FAM20C: variants seen among roughly 807,000 people sequenced by gnomAD.
The protein encoded by FAM20C is extracellular serine/threonine protein kinase FAM20C.
FAM20C carries 40 observed loss-of-function variants against 51.5 expected under a neutral mutation model. The observed-to-expected ratio is 0.78, with a 90% CI of 0.60 to 1.01. FAM20C has a LOEUF of 1.01. FAM20C is among the 50% of genes least tolerant of loss of function. The pLI, the probability that FAM20C is intolerant of heterozygous loss-of-function variation, is 0.00. For synonymous variants in FAM20C, 406 were observed against 380.6 expected (o/e 1.07, Z -0.78); for missense variants, 861 against 844.7 (o/e 1.02, Z -0.24).
At chr7:257,764 AGG>A (rs1788644933) in intron 8 of FAM20C, among the ~76,000 whole-genome samples, 1 of 53,882 alleles carries the variant, frequency 1.9e-5, no homozygotes, top group African/African-American at 7.6e-5. Context: ...GGAGATGGGC[AGG>A]GTGGACCCAC....
intron 3 of FAM20C, chr7:228,587 A>T (rs1787533482): frequency 2.2e-6 from 1 of 456,062 alleles, no homozygotes; most frequent in Non-Finnish European, 4.4e-6. Flanking sequence ...CTCTCCTCTG[A>T]GGGCAGCGTT....
chr7:214,851 G>A (rs1011563960), intron 3 of FAM20C, among the ~76,000 whole-genome samples: 4 of 152,172 alleles, frequency 2.6e-5, no homozygotes, highest in East Asian at 1.9e-4. Context: ...CCAGGCATGC[G>A]GCGGCTGCCC....
At chr7:254,763 C>T (rs1367029653) in intron 5 of FAM20C, among the ~76,000 whole-genome samples, 2 of 152,218 alleles carry the variant, frequency 1.3e-5, no homozygotes, top group East Asian at 1.9e-4. Context: ...CACCGTTCCT[C>T]ACCCCGCAGC....
At chr7:251,280 T>TGAGTGGCCGGGCACGGTGGCTCACG (rs1462439696) in intron 5 of FAM20C, among the ~76,000 whole-genome samples, 1 of 76,060 alleles carries the variant, frequency 1.3e-5, no homozygotes, top group African/African-American at 4.4e-5. Context: ...ACGCCTGCAA[T>TGAGTGGCCGGGCACGGTGGCTCACG]CCCAGTACTG....
At chr7:233,360 C>T (rs1787756615) in intron 3 of FAM20C, among the ~76,000 whole-genome samples, 1 of 152,214 alleles carries the variant, frequency 6.6e-6, no homozygotes, top group African/African-American at 2.4e-5. Flanking sequence ...ACAGCCTTTC[C>T]AGCTGGGACT....
At chr7:198,528 A>G (rs781577218) in intron 2 of FAM20C, among the ~76,000 whole-genome samples, 4 of 152,194 alleles carry the variant, frequency 2.6e-5, no homozygotes, top group Non-Finnish European at 4.4e-5. Flanking sequence ...GTTACATTGA[A>G]TAGTCACATG....
Position 233,784 on chromosome 7 carries a change from T to C in FAM20C, c.864-12631T>C, listed in dbSNP as rs891579505. Reference sequence around the variant, plus strand: ...TCCTGGGGTTCAGATGCGGACAACTTTGGGGGACCGTTATTCTGCCAGCCA... The same window carrying C: ...TCCTGGGGTTCAGATGCGGACAACTCTGGGGGACCGTTATTCTGCCAGCCA... On this transcript the variant is annotated intron_variant, in intron 3 of 9. Transcript: ENST00000313766. 8.8e-4 allele frequency among the ~76,000 whole-genome samples: 134 copies of C among 152,292 alleles called. 1 individual carries two copies. The highest frequency in any genetic ancestry group is 3.1e-3 in the African/African-American group (130 of 41,564).
chr7:220,589 C>T (rs1007939469), intron 3 of FAM20C, among the ~76,000 whole-genome samples: 1 of 152,198 alleles, frequency 6.6e-6, no homozygotes, highest in African/African-American at 2.4e-5. Context: ...GTAGGCACCG[C>T]CTGGGGAAGT....
At chr7:251,216 T>A (rs1788388615) in intron 5 of FAM20C, among the ~76,000 whole-genome samples, 1 of 148,496 alleles carries the variant, frequency 6.7e-6, no homozygotes, top group Non-Finnish European at 1.5e-5. Context: ...CTGCACTGAG[T>A]GGCCGGGCAC....
chr7:215,007 G>A (rs567599762), intron 3 of FAM20C, among the ~76,000 whole-genome samples: 325 of 152,172 alleles, frequency 2.1e-3, no homozygotes, highest in African/African-American at 7.6e-3. Flanking sequence ...ACCTCTGGAC[G>A]TGGGGAGGCC....
In FAM20C at chr7:259,954, G is replaced by A; in HGVS notation, c.1729G>A (p.Glu577Lys). ...CGTGGTGGATGACGACCTGGACACTGAGCACAGAGCCGCCTCGGCGAGGTA... is the reference window on the plus strand; with the variant it reads ...CGTGGTGGATGACGACCTGGACACTAAGCACAGAGCCGCCTCGGCGAGGTA... ...HSVVDDDLDT[E>K]HRAASAR is the part of the protein sequence containing the mutation. Residue 577 changes from glutamate to lysine, a missense_variant, in exon 10 of 10, where the codon GAG (glutamate) becomes AAG (lysine). Coordinates refer to ENST00000313766, the MANE Select transcript of FAM20C (RefSeq NM_020223.4). The A allele has an allele frequency of 6.6e-7, 1 of 1,521,924 alleles. No homozygotes were observed. The highest frequency in any genetic ancestry group is 8.8e-7 in the Non-Finnish European group (1 of 1,135,348). 94.3% of individuals were successfully genotyped at this position (1,521,924 alleles called of 1,614,324 possible).
chr7:218,622 A>G (rs141141360), intron 3 of FAM20C, among the ~76,000 whole-genome samples: 9 of 151,986 alleles, frequency 5.9e-5, no homozygotes, highest in East Asian at 3.9e-4. Flanking sequence ...CTCTCTGGAC[A>G]TGACCCGTGT....
At chr7:254,727 G>C (rs1360609727) in intron 5 of FAM20C, among the ~76,000 whole-genome samples, 1 of 152,172 alleles carries the variant, frequency 6.6e-6, no homozygotes, top group Non-Finnish European at 1.5e-5. Context: ...ACCCCAAAAA[G>C]GAGCCCCGTA....
intron 9 of FAM20C, among the ~76,000 whole-genome samples, chr7:259,325 C>T (rs1788775048): frequency 6.6e-6 from 1 of 152,216 alleles, no homozygotes. Context: ...ACCCTCATCC[C>T]TTGTGCAGGT....
At chr7:248,787 C>T (rs985327079) in intron 5 of FAM20C, among the ~76,000 whole-genome samples, 24 of 150,470 alleles carry the variant, frequency 1.6e-4, no homozygotes, top group Non-Finnish European at 3.3e-4. Flanking sequence ...CCACATTCAT[C>T]TCGCCAGGTA....
chr7:211,110 C>T (rs1786686280), intron 3 of FAM20C, among the ~76,000 whole-genome samples: 1 of 150,152 alleles, frequency 6.7e-6, no homozygotes, highest in Non-Finnish European at 1.5e-5. Context: ...CTCCGCCTCC[C>T]CCAGCCTTCT....
Position 199,122 on chromosome 7 carries a change from G to C in FAM20C, c.784+3390G>C, listed in dbSNP as rs902074372. ...GAGGATGTGATCTGTCCTAGAAGGG[G>C]GCTGACCTGCTTGCTGACCCCGCTT... On this transcript the variant is annotated intron_variant, in intron 2 of 9. Coordinates refer to ENST00000313766, the MANE Select transcript of FAM20C (RefSeq NM_020223.4). 8.5e-5 allele frequency among the ~76,000 whole-genome samples: 13 copies of C among 152,376 alleles called. No individual in the cohort carries two copies. The South Asian group carries it at 1.9e-3, about 22-fold the overall frequency.
chr7:253,843 G>A (rs928552908), intron 5 of FAM20C, among the ~76,000 whole-genome samples: 27 of 152,222 alleles, frequency 1.8e-4, no homozygotes, highest in African/African-American at 5.8e-4. Context: ...GCTTAGGCGA[G>A]GACGGGAGGC....
chr7:214,218 G>C (rs1583297727), intron 3 of FAM20C, among the ~76,000 whole-genome samples: 1 of 152,018 alleles, frequency 6.6e-6, no homozygotes, highest in South Asian at 2.1e-4. Context: ...CCAGCTACTC[G>C]GGAGGCTGAG....
Sources: gnomAD v4.1 joint callset for allele counts (sites outside exome capture counted in the v4.1 genomes callset) on GRCh38, gnomAD v4.1.1 for gene constraint, MANE v1.5 for transcripts, NCBI Gene and HGNC (gene_info 2026-07-23, HGNC 2026-07-21) for gene names.